The following CECR2 variants were observed in gnomAD, a reference collection of about 807,000 sequenced individuals.
CECR2 encodes the protein CECR2 histone acetyl-lysine reader.
A neutral mutation model predicts 154.5 loss-of-function variants in CECR2; 30 were observed. The ratio of observed to expected loss-of-function variants is 0.19; its 90% confidence interval spans 0.15 to 0.26. CECR2 has a LOEUF of 0.26. CECR2 is among the 10% of genes least tolerant of loss of function. The probability of loss-of-function intolerance (pLI) is 1.00; values close to 1 mark genes in which losing one functional copy is unlikely to be tolerated. For missense variants in CECR2, 1,743 were observed against 1,829.3 expected (o/e 0.95, Z 0.86); for synonymous variants, 725 against 683.7 (o/e 1.06, Z -0.94).
At chr22:17,410,045 T>G (rs13056864) in intron 1 of CECR2, among the ~76,000 whole-genome samples, 2 of 44,228 alleles carry the variant, frequency 4.5e-5, no homozygotes, top group East Asian at 2.7e-4. Context: ...GCAGTGGCAG[T>G]ATCTCGGCTC....
chr22:17,545,395 A>G (rs1479593822), intron 16 of CECR2, among the ~76,000 whole-genome samples: 1 of 151,324 alleles, frequency 6.6e-6, no homozygotes, highest in African/African-American at 2.4e-5. Flanking sequence ...AAAAAAAAAA[A>G]AAGAAATGCC....
chr22:17,401,431 G>T (rs1005833702), intron 1 of CECR2, among the ~76,000 whole-genome samples: 1 of 152,168 alleles, frequency 6.6e-6, no homozygotes, highest in African/African-American at 2.4e-5. Flanking sequence ...CCACGCGAGG[G>T]TGTGATATCC....
chr22:17,464,360 G>A, intron 1 of CECR2, among the ~76,000 whole-genome samples: 1 of 152,170 alleles, frequency 6.6e-6, no homozygotes, highest in East Asian at 1.9e-4. Context: ...TCTCCCTGCT[G>A]CTTATCTCTG....
intron 7 of CECR2, among the ~76,000 whole-genome samples, chr22:17,505,932 T>C (rs2055836315): frequency 6.7e-6 from 1 of 149,690 alleles, no homozygotes; most frequent in Non-Finnish European, 1.5e-5. Context: ...GTAGCCTCGA[T>C]TTGCCAGGCT....
intron 1 of CECR2, among the ~76,000 whole-genome samples, chr22:17,414,175 T>G (rs2054115742): frequency 6.6e-6 from 1 of 151,542 alleles, no homozygotes; most frequent in South Asian, 2.1e-4. Context: ...GATTTCACTG[T>G]GTTAGCCAGG....
In CECR2 at chr22:17,446,552, C is replaced by A. The variant is rs930381232; in HGVS notation, c.127-31036C>A. Among the ~76,000 whole-genome samples the A allele has an allele frequency of 2.0e-5, 3 of 152,026 alleles. No homozygotes were observed. The East Asian group carries it at 5.8e-4, about 29-fold the overall frequency. On this transcript the variant is annotated intron_variant, in intron 1 of 18. Transcript: ENST00000262608. ...CTAACACGGTGAAACCCCGTCTCTACTAAAAATACAAAAAATTAGCCGGGT... is the reference window on the plus strand; with the variant it reads ...CTAACACGGTGAAACCCCGTCTCTAATAAAAATACAAAAAATTAGCCGGGT...
intron 1 of CECR2, among the ~76,000 whole-genome samples, chr22:17,386,026 C>T (rs114258475): frequency 1.6e-3 from 251 of 152,266 alleles, no homozygotes; most frequent in African/African-American, 5.3e-3. Context: ...TCATGTAAGC[C>T]GGAGGAATGG....
intron 8 of CECR2, among the ~76,000 whole-genome samples, chr22:17,522,879 C>A (rs1440896589): frequency 2.6e-5 from 4 of 151,976 alleles, no homozygotes; most frequent in African/African-American, 4.8e-5. Context: ...GTGGTACACA[C>A]CTGTAATCTC....
intron 1 of CECR2, among the ~76,000 whole-genome samples, chr22:17,396,234 C>A (rs2053807797): frequency 7.0e-6 from 1 of 143,196 alleles, no homozygotes; most frequent in African/African-American, 2.6e-5. Flanking sequence ...AAGAGTGAGA[C>A]CCTTTCTCAA....
intron 9 of CECR2, among the ~76,000 whole-genome samples, chr22:17,533,696 CTTTT>C (rs35183146): frequency 2.2e-5 from 3 of 138,144 alleles, no homozygotes; most frequent in Admixed American, 7.5e-5. Flanking sequence ...AGCAAAGGGC[CTTTT>C]TTTGTTTGTT....
chr22:17,554,165 C>G lies in CECR2; in HGVS notation c.*1325C>G, dbSNP rs1482985421. 6.6e-6 allele frequency: 1 copy of G among 152,096 alleles called. No individual in the cohort carries two copies. The highest frequency in any genetic ancestry group is 1.9e-4 in the East Asian group (1 of 5,192). The allele number at this position is 152,096 out of a possible 1,614,324, so 9.4% of individuals were successfully genotyped here. On this transcript the variant is annotated 3_prime_UTR_variant, in exon 19 of 19. Coordinates refer to ENST00000262608, the MANE Select transcript of CECR2 (RefSeq NM_001290047.2). The stretch of plus-strand genomic sequence containing the variant: ...AGAGTTGAATTACACTGGATTCTCC[C>G]TCGTTAGCATTCTGTATTTGATTTT...
At chr22:17,552,598 GCAT>G (rs1240144078) in intron 18 of CECR2, among the ~76,000 whole-genome samples, 4 of 151,946 alleles carry the variant, frequency 2.6e-5, no homozygotes, top group African/African-American at 7.3e-5. Flanking sequence ...CTCATTGGCT[GCAT>G]CATCATCATT....
intron 1 of CECR2, among the ~76,000 whole-genome samples, chr22:17,445,541 ACTTT>A (rs2054645549): frequency 2.9e-4 from 36 of 123,962 alleles, no homozygotes; most frequent in African/African-American, 1.1e-3. Context: ...TCTGCTCTAT[ACTTT>A]ATTATTATTA....
chr22:17,388,905 C>T (rs1049145569), intron 1 of CECR2, among the ~76,000 whole-genome samples: 7 of 152,008 alleles, frequency 4.6e-5, no homozygotes, highest in African/African-American at 9.7e-5. Context: ...CCTCAGCCTC[C>T]GGGTTCAAGC....
chr22:17,503,178 C>T, intron 6 of CECR2, 47 bp downstream of exon 6: 4 of 1,522,444 alleles, frequency 2.6e-6, no homozygotes, highest in Admixed American at 1.8e-5. Flanking sequence ...AAATATGATT[C>T]ATTTATGCTA....
intron 1 of CECR2, among the ~76,000 whole-genome samples, chr22:17,383,711 G>A (rs1302408886): frequency 7.1e-6 from 1 of 141,516 alleles, no homozygotes; most frequent in East Asian, 2.1e-4. Flanking sequence ...GCCCAGGCTG[G>A]AGCGCAGTGG....
intron 1 of CECR2, among the ~76,000 whole-genome samples, chr22:17,412,254 A>G (rs1366809468): frequency 6.6e-6 from 1 of 152,088 alleles, no homozygotes; most frequent in Non-Finnish European, 1.5e-5. Flanking sequence ...GGTCATTTCT[A>G]TTTGTTGAGT....
In CECR2 at chr22:17,553,691, T is replaced by A. The variant is rs1235582308; in HGVS notation, c.*851T>A. 1 of 152,182 alleles carries A rather than the reference T, an allele frequency of 6.6e-6. No homozygotes were observed. The highest frequency in any genetic ancestry group is 2.4e-5 in the African/African-American group (1 of 41,442). The allele number at this position is 152,182 out of a possible 1,614,324, so 9.4% of individuals were successfully genotyped here. On this transcript the variant is annotated 3_prime_UTR_variant, in exon 19 of 19. Coordinates refer to ENST00000262608, the MANE Select transcript of CECR2 (RefSeq NM_001290047.2). ...TGCTCTCTCATGCTGGTGGCCCAAA[T>A]TGAGAAAGTGGTGTCCCTTCCTGAT...
intron 9 of CECR2, among the ~76,000 whole-genome samples, chr22:17,527,928 A>C (rs889834756): frequency 6.6e-6 from 1 of 152,254 alleles, no homozygotes; most frequent in Non-Finnish European, 1.5e-5. Context: ...GGTGAGAATG[A>C]GAAGAGGAAA....
Sources: gnomAD v4.1 joint callset for allele counts (sites outside exome capture counted in the v4.1 genomes callset) on GRCh38, gnomAD v4.1.1 for gene constraint, MANE v1.5 for transcripts, NCBI Gene and HGNC (gene_info 2026-07-23, HGNC 2026-07-21) for gene names.